Variants in PCDHA6 observed in about 807,000 individuals in gnomAD.
PCDHA6 encodes the protein protocadherin alpha-6.
Under a neutral mutation model 60.3 loss-of-function variants are expected in PCDHA6, and 55 were observed. The ratio of observed to expected loss-of-function variants is 0.91; its 90% CI spans 0.73 to 1.14. The LOEUF is 1.14. PCDHA6 is among the 50% of genes most tolerant of loss of function. The pLI is 0.00. For synonymous variants in PCDHA6, 652 were observed against 557.9 expected, an observed-to-expected ratio of 1.17 and a Z score of -2.38; for missense variants, 1,327 against 1,256.5, an observed-to-expected ratio of 1.06 and a Z score of -0.85.
intron 1 of PCDHA6, chr5:140,836,138 G>A (rs2150253717): frequency 6.2e-7 from 1 of 1,613,790 alleles, no homozygotes; most frequent in Middle Eastern, 1.6e-4. Flanking sequence ...CGCGGTCTGT[G>A]GGCGCGGGCC....
intron 1 of PCDHA6, chr5:140,882,617 T>TA: frequency 6.2e-7 from 1 of 1,614,218 alleles, no homozygotes; most frequent in Non-Finnish European, 8.5e-7. Context: ...TCTGCAGGTT[T>TA]TCCATGTGGA....
intron 1 of PCDHA6, chr5:140,928,243 G>A: frequency 6.2e-7 from 1 of 1,614,202 alleles, no homozygotes; most frequent in South Asian, 1.1e-5. Flanking sequence ...ACCCCAGCAG[G>A]AACTTTTCGT....
chr5:140,870,083 C>G, intron 1 of PCDHA6: 1 of 1,613,848 alleles, frequency 6.2e-7, no homozygotes, highest in Admixed American at 1.7e-5. Flanking sequence ...AAGGGGACTC[C>G]CCCAATGGCA....
intron 1 of PCDHA6, chr5:140,870,552 G>C: frequency 6.2e-7 from 1 of 1,614,042 alleles, no homozygotes; most frequent in Non-Finnish European, 8.5e-7. Flanking sequence ...ACGCGGACGC[G>C]CAGGAGAACG....
At chr5:140,967,086 G>C in intron 1 of PCDHA6, 3 of 1,613,210 alleles carry the variant, frequency 1.9e-6, no homozygotes, top group Non-Finnish European at 2.5e-6. Context: ...CGCATTGATC[G>C]GGAGGCGCTG....
chr5:140,969,058 T>C, intron 1 of PCDHA6: 1 of 1,614,166 alleles, frequency 6.2e-7, no homozygotes. Flanking sequence ...ACAACAATAT[T>C]GATGCCAGGA....
At chr5:140,912,243 AATCTCCTTTGATGAC>A (rs2075829981) in intron 1 of PCDHA6, among the ~76,000 whole-genome samples, 1 of 152,012 alleles carries the variant, frequency 6.6e-6, no homozygotes, top group Admixed American at 6.6e-5. Context: ...CTCAAATGTT[AATCTCCTTTGATGAC>A]ACCCTCACAG....
rs116228766 is a variant in PCDHA6 at position 140,907,042 on chromosome 5, C to A, written c.2395-71907C>A. Among the ~76,000 whole-genome samples, 705 of 152,284 alleles carry A rather than the reference C, an allele frequency of 4.6e-3. 3 individuals carry two copies. The highest frequency in any genetic ancestry group is 0.016 in the African/African-American group (683 of 41,556). On this transcript the variant is annotated intron_variant, in intron 1 of 3. Coordinates refer to ENST00000529310, the MANE Select transcript of PCDHA6 (RefSeq NM_018909.4). The stretch of plus-strand genomic sequence containing the variant: ...CCAGCAGAACATAATGTCACAGGGA[C>A]AGTAAGCAAAAATTTTACTAGTGGG...
intron 1 of PCDHA6, among the ~76,000 whole-genome samples, chr5:140,974,338 A>G (rs1554235945): frequency 6.6e-6 from 1 of 152,212 alleles, no homozygotes; most frequent in Non-Finnish European, 1.5e-5. Flanking sequence ...CTAGCAGGCT[A>G]TGCATCCAGA....
rs185799175 is a variant in PCDHA6, at chr5:140,887,220, C to G, written c.2394+56735C>G. ...CACGCCATTCTCCTGCCTCAGCCTC[C>G]CGAGTAGCTGAGACTACCGGCGCCC... On this transcript the variant is annotated intron_variant, in intron 1 of 3. Coordinates refer to ENST00000529310, the MANE Select transcript of PCDHA6 (RefSeq NM_018909.4). Among the ~76,000 whole-genome samples, 14 of 152,078 alleles carry G rather than the reference C, an allele frequency of 9.2e-5. No individual in the cohort carries two copies. In the East Asian group the frequency reaches 2.7e-3, roughly 30 times the overall value.
intron 1 of PCDHA6, among the ~76,000 whole-genome samples, chr5:140,919,778 A>G (rs1252402940): frequency 2.6e-5 from 4 of 152,170 alleles, no homozygotes; most frequent in Non-Finnish European, 5.9e-5. Context: ...TGTTACACAT[A>G]TTACATCTTG....
At chr5:140,977,925 A>G (rs782072280) in intron 1 of PCDHA6, among the ~76,000 whole-genome samples, 8 of 152,152 alleles carry the variant, frequency 5.3e-5, no homozygotes, top group Non-Finnish European at 1.0e-4. Flanking sequence ...TTTTCATTCA[A>G]CTATACCTCA....
chr5:140,852,875 C>A, intron 1 of PCDHA6: 1 of 937,156 alleles, frequency 1.1e-6, no homozygotes, highest in Non-Finnish European at 1.3e-6. Flanking sequence ...CATCAATAAT[C>A]ATAAAACGTA....
At chr5:140,871,249 C>T (rs782675743) in intron 1 of PCDHA6, 1 of 1,613,984 alleles carries the variant, frequency 6.2e-7, no homozygotes, top group Non-Finnish European at 8.5e-7. Context: ...CACGCTGCTG[C>T]TGTATACGGC....
chr5:140,871,327 C>G (rs782093100), intron 1 of PCDHA6: 12 of 1,614,102 alleles, frequency 7.4e-6, no homozygotes, highest in Admixed American at 1.7e-5. Context: ...GGTGTGCTCC[C>G]GCGCGGTGGG....
intron 1 of PCDHA6, among the ~76,000 whole-genome samples, chr5:140,944,072 A>C (rs868935645): frequency 6.6e-6 from 1 of 152,218 alleles, no homozygotes; most frequent in Non-Finnish European, 1.5e-5. Context: ...CTTGTTAAAG[A>C]TAAAGGAGGC....
intron 1 of PCDHA6, chr5:140,841,224 A>G: frequency 6.9e-7 from 1 of 1,450,532 alleles, no homozygotes; most frequent in South Asian, 1.4e-5. Context: ...AGGCCGAACA[A>G]CGGGAGATGC....
intron 1 of PCDHA6, among the ~76,000 whole-genome samples, chr5:140,924,916 T>A (rs551375956): frequency 7.0e-4 from 85 of 122,004 alleles, no homozygotes; most frequent in East Asian, 2.6e-3. Context: ...TAAAATAAAA[T>A]AAAATAAAAT....
At chr5:140,954,361 C>T (rs782543125) in intron 1 of PCDHA6, among the ~76,000 whole-genome samples, 18 of 152,220 alleles carry the variant, frequency 1.2e-4, no homozygotes, top group Non-Finnish European at 2.2e-4. Context: ...AATCGCCACA[C>T]AGTCTCCCAC....
Sources: gnomAD v4.1 joint callset for allele counts (sites outside exome capture counted in the v4.1 genomes callset) on GRCh38, gnomAD v4.1.1 for gene constraint, MANE v1.5 for transcripts, NCBI Gene and HGNC (gene_info 2026-07-23, HGNC 2026-07-21) for gene names.